BZW2: variants seen among roughly 807,000 people sequenced by gnomAD.
BZW2 encodes eIF5-mimic protein 1.
BZW2 carries 23 observed loss-of-function variants against 53.2 expected under a neutral mutation model. The ratio of observed to expected loss-of-function variants is 0.43; its 90% CI spans 0.31 to 0.61. The LOEUF (loss-of-function observed/expected upper bound fraction) is 0.61. Ranked by LOEUF, BZW2 falls within the 20% of genes least tolerant of loss-of-function variation. The pLI, the probability that BZW2 is intolerant of heterozygous loss-of-function variation, is 0.09. For missense variants in BZW2, 409 were observed against 503.1 expected, an observed-to-expected ratio of 0.81 and a Z score of 1.79; for synonymous variants, 227 against 186.4, an observed-to-expected ratio of 1.22 and a Z score of -1.77.
chr7:16,648,655 C>G (rs1327688279), intron 1 of BZW2, among the ~76,000 whole-genome samples: 4 of 152,170 alleles, frequency 2.6e-5, no homozygotes, highest in Non-Finnish European at 5.9e-5. Flanking sequence ...CTGGAAGGTT[C>G]CAATCCATCC....
At chr7:16,657,597 T>C (rs1305388508) in intron 1 of BZW2, among the ~76,000 whole-genome samples, 1 of 152,206 alleles carries the variant, frequency 6.6e-6, no homozygotes, top group Non-Finnish European at 1.5e-5. Context: ...CAGAAATAAA[T>C]TGTTAGTATC....
In BZW2 at chr7:16,694,821, T is replaced by C. The variant is rs760499473; in HGVS notation, c.652-13T>C. 1.4e-5 allele frequency: 21 copies of C among 1,505,632 alleles called. No homozygotes were observed. Among genetic ancestry groups the C allele is most frequent in the Non-Finnish European group, 1.9e-5 (21 of 1,108,332 alleles). The allele number at this position is 1,505,632 out of a possible 1,614,324, so 93.3% of individuals were successfully genotyped here. On this transcript the variant is annotated splice_polypyrimidine_tract_variant and intron_variant, in intron 7 of 11. Transcript: ENST00000258761. ...ATGGCTTGTTTTATAGCAGTCTTTT[T>C]TCCCTTTTTCAGGAACTCTTTCCAG...
chr7:16,681,283 T>C lies in BZW2; in HGVS notation c.236-18T>C. 1 of 1,593,684 alleles carries C rather than the reference T, an allele frequency of 6.3e-7. No individual in the cohort carries two copies. Among genetic ancestry groups the C allele is most frequent in the South Asian group, 1.1e-5 (1 of 90,240 alleles). On this transcript the variant is annotated intron_variant, in intron 3 of 11. Transcript: ENST00000258761. The stretch of plus-strand genomic sequence containing the variant: ...AATTTCAGTATTATCCTAATTACAA[T>C]TACCTTTCTCTTTTTAGCCCCTGGA...
At chr7:16,684,046 C>G (rs1783039311) in intron 5 of BZW2, among the ~76,000 whole-genome samples, 1 of 152,174 alleles carries the variant, frequency 6.6e-6, no homozygotes, top group Non-Finnish European at 1.5e-5. Context: ...GATGTCACCA[C>G]AGTATTGAAA....
intron 1 of BZW2, among the ~76,000 whole-genome samples, chr7:16,649,495 A>G (rs1334869788): frequency 1.3e-5 from 2 of 152,206 alleles, no homozygotes; most frequent in Non-Finnish European, 2.9e-5. Flanking sequence ...GTTCTTGTGC[A>G]CATGTTACAA....
At position 16,696,982 on chromosome 7, in the gene BZW2, T is replaced by A; in HGVS notation, c.890T>A (p.Leu297Gln). Residue 297 changes from leucine (L) to glutamine (Q), a missense_variant, in exon 9 of 12, where the codon CTG (leucine) becomes CAG (glutamine). Leu to Gln is a moderately radical substitution (Grantham distance 113). Coordinates refer to ENST00000258761, the MANE Select transcript of BZW2 (RefSeq NM_014038.3). ...CCAGAAACAGCAGTGATTGGTCTTC[T>A]GTGGACATGTATAATGAACGCTGTT... ...DLPETAVIGL[L>Q]WTCIMNAVEW... is the part of the protein sequence containing the mutation. 6.2e-7 allele frequency: 1 copy of A among 1,614,178 alleles called. No homozygotes were observed. The highest frequency in any genetic ancestry group is 8.5e-7 in the Non-Finnish European group (1 of 1,180,000).
At chr7:16,689,671 C>G (rs1407626145) in intron 6 of BZW2, 126 bp from the exon 7 acceptor site, 7 of 674,110 alleles carry the variant, frequency 1.0e-5, no homozygotes, top group African/African-American at 1.8e-5. Context: ...GGTCTATTGA[C>G]TTTTCATTTG....
At chr7:16,660,445 G>A (rs938904435) in intron 1 of BZW2, among the ~76,000 whole-genome samples, 1 of 149,732 alleles carries the variant, frequency 6.7e-6, no homozygotes, top group Non-Finnish European at 1.5e-5. Flanking sequence ...GTCTTAAACA[G>A]TATTGACTGC....
rs1783434725 is a variant in BZW2 at position 16,695,010 on chromosome 7, A to G, written c.822+6A>G. ...AGGAATGCCCGATCAAGGAGGTGGG[A>G]GACCACGGGCAGACATCACCTCAAT... On this transcript the variant is annotated splice_donor_region_variant and intron_variant, in intron 8 of 11. Transcript: ENST00000258761. The G allele has an allele frequency of 6.4e-7, 1 of 1,566,106 alleles. No homozygotes were observed. Among genetic ancestry groups the G allele is most frequent in the Non-Finnish European group, 8.7e-7 (1 of 1,144,298 alleles).
At chr7:16,670,573 A>G (rs967010017) in intron 2 of BZW2, among the ~76,000 whole-genome samples, 5 of 152,220 alleles carry the variant, frequency 3.3e-5, no homozygotes, top group African/African-American at 9.7e-5. Flanking sequence ...CTCATATTAT[A>G]GGAAAGAAAA....
Position 16,704,563 on chromosome 7 carries a change from A to G in BZW2, c.1125A>G (p.Glu375=). Residue 375 remains glutamate, a synonymous_variant, in exon 11 of 12, where the codon GAA becomes GAG. Transcript: ENST00000258761. ...AAATTGCAGCTGATGTTCTGAGCGA[A>G]GAAGCAATACTGAAATGGTATAAGG... ...VLFYKADVLS[E]EAILKWYKEA... 1 of 1,560,716 alleles carries G rather than the reference A, an allele frequency of 6.4e-7. No homozygotes were observed. Among genetic ancestry groups the G allele is most frequent in the Non-Finnish European group, 8.8e-7 (1 of 1,140,324 alleles).
intron 1 of BZW2, among the ~76,000 whole-genome samples, chr7:16,655,790 G>A (rs573531174): frequency 3.2e-4 from 49 of 152,190 alleles, no homozygotes; most frequent in Middle Eastern, 3.4e-3. Context: ...AAAGTGCTGG[G>A]ATTACAGATC....
intron 1 of BZW2, chr7:16,661,096 A>G (rs867986182): frequency 3.9e-5 from 6 of 152,168 alleles, no homozygotes; most frequent in Non-Finnish European, 8.8e-5. Context: ...TTTGAATAAC[A>G]TATGCATAGC....
intron 2 of BZW2, among the ~76,000 whole-genome samples, chr7:16,671,082 G>A (rs1314368241): frequency 1.3e-5 from 2 of 152,144 alleles, no homozygotes; most frequent in African/African-American, 4.8e-5. Context: ...TCAAAGTTAT[G>A]CATGCACATA....
At chr7:16,646,751 A>G (rs990864862) in intron 1 of BZW2, among the ~76,000 whole-genome samples, 1 of 152,038 alleles carries the variant, frequency 6.6e-6, no homozygotes, top group African/African-American at 2.4e-5. Flanking sequence ...CCTCCCCACT[A>G]CTTGTCATCT....
intron 10 of BZW2, among the ~76,000 whole-genome samples, chr7:16,698,965 C>T (rs2128369789): frequency 6.6e-6 from 1 of 152,008 alleles, no homozygotes; most frequent in East Asian, 1.9e-4. Flanking sequence ...GTTTATTTTC[C>T]CTTTCATGTG....
At chr7:16,658,863 A>G (rs1000720389) in intron 1 of BZW2, among the ~76,000 whole-genome samples, 22 of 151,412 alleles carry the variant, frequency 1.5e-4, no homozygotes, top group African/African-American at 4.9e-4. Flanking sequence ...CAACAGAGCA[A>G]GAATCCGTCT....
At chr7:16,704,027 G>C (rs1210531715) in intron 10 of BZW2, among the ~76,000 whole-genome samples, 4 of 152,140 alleles carry the variant, frequency 2.6e-5, no homozygotes, top group African/African-American at 9.6e-5. Flanking sequence ...ACATAGCCCA[G>C]AAGTTCCTCT....
chr7:16,677,800 G>A (rs1722190), intron 3 of BZW2, among the ~76,000 whole-genome samples: 34,389 of 151,756 alleles, frequency 0.23, 4,132 homozygotes, highest in East Asian at 0.37. Context: ...TAATTTGGGC[G>A]TCTGGGTGCT....
Sources: allele counts gnomAD v4.1 joint callset (sites outside exome capture counted in the v4.1 genomes callset), GRCh38; gene constraint gnomAD v4.1.1; transcripts MANE v1.5; gene names NCBI Gene and HGNC (gene_info 2026-07-23, HGNC 2026-07-21).